Variants in RANBP3L observed in about 807,000 individuals in gnomAD.
The protein encoded by RANBP3L is ran-binding protein 3-like.
Under a neutral mutation model 67.2 loss-of-function variants are expected in RANBP3L, and 56 were observed. That is an observed-to-expected ratio of 0.83 (90% confidence interval 0.67 to 1.04). The LOEUF is 1.04. Ranked by LOEUF, RANBP3L falls within the 50% of genes least tolerant of loss-of-function variation. The probability of loss-of-function intolerance (pLI) is 0.00; values close to 1 mark genes in which losing one functional copy is unlikely to be tolerated. For synonymous variants in RANBP3L, 164 were observed against 181.4 expected (o/e 0.90, Z 0.77); for missense variants, 496 against 535.5 (o/e 0.93, Z 0.73).
chr5:36,290,277 A>G (rs138284092), intron 1 of RANBP3L, among the ~76,000 whole-genome samples: 265 of 147,494 alleles, frequency 1.8e-3, no homozygotes, highest in African/African-American at 6.4e-3. Flanking sequence ...GAGTGCAGTG[A>G]CACAGTCTTG....
At chr5:36,270,937 T>A (rs1261500843) in intron 2 of RANBP3L, among the ~76,000 whole-genome samples, 1 of 152,264 alleles carries the variant, frequency 6.6e-6, no homozygotes, top group African/African-American at 2.4e-5. Context: ...GCTAGGTCAG[T>A]GGTGAGGACT....
intron 5 of RANBP3L, 50 bp downstream of exon 5, chr5:36,265,399 A>G: frequency 8.4e-7 from 1 of 1,193,034 alleles, no homozygotes; most frequent in Non-Finnish European, 1.2e-6. Context: ...ATGAAAATAT[A>G]GGTGGTAAAA....
At chr5:36,266,765 T>C (rs1749821077) in intron 4 of RANBP3L, among the ~76,000 whole-genome samples, 1 of 152,092 alleles carries the variant, frequency 6.6e-6, no homozygotes, top group Non-Finnish European at 1.5e-5. Context: ...CACTTTTTTT[T>C]TTTTTCTTTG....
Position 36,260,007 on chromosome 5 carries a change from A to G in RANBP3L, c.669+773T>C, listed in dbSNP as rs1014333869. Among the ~76,000 whole-genome samples, 8 of 152,276 alleles carry G rather than the reference A, an allele frequency of 5.3e-5. No individual in the cohort carries two copies. In the East Asian group the frequency reaches 9.6e-4, roughly 18 times the overall value. On this transcript the variant is annotated intron_variant, in intron 8 of 13. Coordinates refer to ENST00000296604, the MANE Select transcript of RANBP3L (RefSeq NM_145000.5). The stretch of plus-strand genomic sequence containing the variant: ...GCACTATGAATTTTCTCTGAAAGCT[A>G]GCAAAAGAAAGTTATAATAATGCTT...
intron 1 of RANBP3L, among the ~76,000 whole-genome samples, chr5:36,273,748 T>C (rs1750386818): frequency 6.6e-6 from 1 of 152,234 alleles, no homozygotes; most frequent in South Asian, 2.1e-4. Context: ...TAGCCTTTTT[T>C]CCTTTCTACT....
intron 1 of RANBP3L, among the ~76,000 whole-genome samples, chr5:36,280,541 G>A (rs145537079): frequency 2.0e-5 from 3 of 152,154 alleles, no homozygotes; most frequent in Admixed American, 6.5e-5. Context: ...TTGTTAAATC[G>A]TTTCACATAG....
At chr5:36,262,117 G>C in intron 6 of RANBP3L, 75 bp from the exon 7 acceptor site, 1 of 735,474 alleles carries the variant, frequency 1.4e-6, no homozygotes. Flanking sequence ...GGAAACAATA[G>C]TTATAGTTAA....
intron 1 of RANBP3L, among the ~76,000 whole-genome samples, chr5:36,288,890 C>A (rs1015124879): frequency 6.6e-6 from 1 of 151,662 alleles, no homozygotes; most frequent in South Asian, 2.1e-4. Flanking sequence ...TGACATTTTT[C>A]TCCCAGTCTT....
intron 4 of RANBP3L, among the ~76,000 whole-genome samples, chr5:36,266,193 A>T (rs895213375): frequency 1.3e-5 from 2 of 152,162 alleles, no homozygotes; most frequent in Non-Finnish European, 2.9e-5. Context: ...ATAGAATATT[A>T]TAAAACTGTT....
intron 1 of RANBP3L, among the ~76,000 whole-genome samples, chr5:36,275,793 C>T (rs1462435940): frequency 6.6e-6 from 1 of 151,578 alleles, no homozygotes; most frequent in Admixed American, 6.6e-5. Flanking sequence ...AGATTAATGC[C>T]GAAAGAAACA....
intron 1 of RANBP3L, among the ~76,000 whole-genome samples, chr5:36,274,896 T>A (rs1263823366): frequency 1.3e-5 from 2 of 152,120 alleles, no homozygotes; most frequent in Non-Finnish European, 2.9e-5. Context: ...ACTTTTTTTT[T>A]AGAGAAATTG....
chr5:36,294,874 GTA>G (rs1362897543), intron 1 of RANBP3L, among the ~76,000 whole-genome samples: 2 of 146,896 alleles, frequency 1.4e-5, no homozygotes, highest in African/African-American at 2.5e-5. Flanking sequence ...CATATATAGT[GTA>G]TATATACACT....
chr5:36,270,688 G>C (rs1750142729), intron 2 of RANBP3L, among the ~76,000 whole-genome samples: 1 of 152,054 alleles, frequency 6.6e-6, no homozygotes, highest in African/African-American at 2.4e-5. Context: ...TGTAGAGATG[G>C]GGTCTTGCTT....
chr5:36,271,625 C>G (rs903439036), intron 1 of RANBP3L, among the ~76,000 whole-genome samples: 4 of 151,986 alleles, frequency 2.6e-5, no homozygotes, highest in African/African-American at 9.7e-5. Flanking sequence ...CAGAGCATAG[C>G]GATTAACACC....
chr5:36,279,304 A>C (rs1750813036), intron 1 of RANBP3L, among the ~76,000 whole-genome samples: 1 of 152,204 alleles, frequency 6.6e-6, no homozygotes, highest in South Asian at 2.1e-4. Context: ...GACATTCTGT[A>C]CTTGTTTCTA....
chr5:36,298,199 C>T (rs554561053), intron 1 of RANBP3L, among the ~76,000 whole-genome samples: 11 of 150,300 alleles, frequency 7.3e-5, no homozygotes, highest in Admixed American at 6.7e-4. Context: ...ACTCAGGAGA[C>T]GGAGGCAGAA....
chr5:36,277,303 G>T (rs775822730), intron 1 of RANBP3L, among the ~76,000 whole-genome samples: 7 of 151,500 alleles, frequency 4.6e-5, no homozygotes, highest in Non-Finnish European at 8.8e-5. Context: ...ACCGTGTCTG[G>T]TTCTTTGGCT....
At chr5:36,256,423 G>C (rs1701115821) in intron 10 of RANBP3L, among the ~76,000 whole-genome samples, 1 of 152,084 alleles carries the variant, frequency 6.6e-6, no homozygotes, top group Non-Finnish European at 1.5e-5. Context: ...CATTTCATGT[G>C]CTTGTGCTGA....
intron 1 of RANBP3L, among the ~76,000 whole-genome samples, chr5:36,282,782 T>C (rs762902372): frequency 6.6e-6 from 1 of 152,078 alleles, no homozygotes; most frequent in Non-Finnish European, 1.5e-5. Flanking sequence ...CATTCTCCTC[T>C]AGGGAACCCC....
Sources: allele counts gnomAD v4.1 joint callset (sites outside exome capture counted in the v4.1 genomes callset), GRCh38; gene constraint gnomAD v4.1.1; transcripts MANE v1.5; gene names NCBI Gene and HGNC (gene_info 2026-07-23, HGNC 2026-07-21).